The following HUWE1 variants were observed in gnomAD, a reference collection of about 807,000 sequenced individuals.
HUWE1 encodes the protein E3 ubiquitin-protein ligase HUWE1.
Under a neutral mutation model 299.4 loss-of-function variants are expected in HUWE1, and 18 were observed. The ratio of observed to expected loss-of-function variants is 0.06; its 90% confidence interval spans 0.04 to 0.09. HUWE1 has a LOEUF of 0.09. Among genes scored for constraint, HUWE1 ranks in the 10% least tolerant of loss-of-function variants. The pLI is 1.00. For synonymous variants in HUWE1, 1,317 were observed against 1,286.1 expected (o/e 1.02, Z -0.51); for missense variants, 1,832 against 3,462.3 (o/e 0.53, Z 11.82).
In HUWE1 at chrX:53,593,389, A is replaced by G; in HGVS notation, c.3716T>C (p.Leu1239Pro). 1 of 1,200,668 alleles carries G rather than the reference A, an allele frequency of 8.3e-7. No homozygotes were observed. Among genetic ancestry groups the G allele is most frequent in the Non-Finnish European group, 1.1e-6 (1 of 885,279 alleles). The stretch of plus-strand genomic sequence containing the variant: ...TTTCTGAGTTACCACAAGGAAGCGC[A>G]GTGCACTGAACTGGGGAAAGTTCTG... Reference protein sequence around the residue: ...GVQNFPQFSALRFLVVTQKAA... With the variant: ...GVQNFPQFSAPRFLVVTQKAA... The change falls in exon 32 of 84, where the codon CTG becomes CCG. Residue 1239 changes from leucine (L) to proline (P), a missense_variant. Transcript: ENST00000262854.
chrX:53,548,786 A>T (rs2061651654), intron 67 of HUWE1, among the ~76,000 whole-genome samples, 173 bp downstream of exon 67: 2 of 112,695 alleles, frequency 1.8e-5, no homozygotes, highest in Admixed American at 1.9e-4. Context: ...AAAATGGAAA[A>T]GAATGAAGAA....
Position 53,539,613 on chromosome X carries a change from G to A in HUWE1, c.11632+44C>T, listed in dbSNP as rs200025909. The A allele has an allele frequency of 1.1e-5, 13 of 1,191,260 alleles. No homozygotes were observed. The East Asian group carries it at 3.0e-4, about 27-fold the overall frequency. ...ACAAGCTGGCAGGAAGGGCCCCAGA[G>A]CAGACCACTGGGTTGGGACCTGGGC... On this transcript the variant is annotated intron_variant, in intron 75 of 83. Coordinates refer to ENST00000262854, the MANE Select transcript of HUWE1 (RefSeq NM_031407.7).
chrX:53,599,543 G>A (rs1286275749), intron 29 of HUWE1, among the ~76,000 whole-genome samples: 1 of 112,051 alleles, frequency 8.9e-6, no homozygotes, highest in African/African-American at 3.2e-5. Flanking sequence ...CATTAATGCA[G>A]TTTTGTATGC....
intron 12 of HUWE1, among the ~76,000 whole-genome samples, chrX:53,630,035 T>A (rs139655375): frequency 2.4e-3 from 272 of 112,449 alleles, no homozygotes; most frequent in African/African-American, 8.5e-3. Flanking sequence ...AGTCAGAAAT[T>A]TGTGTGACAC....
intron 3 of HUWE1, among the ~76,000 whole-genome samples, chrX:53,664,846 G>T (rs2069171647): frequency 9.0e-6 from 1 of 111,200 alleles, no homozygotes; most frequent in Non-Finnish European, 1.9e-5. Flanking sequence ...CACTGATTAT[G>T]ATTTGTTAAA....
intron 22 of HUWE1, 113 bp downstream of exon 22, chrX:53,615,631 T>C: frequency 1.8e-6 from 1 of 548,482 alleles, no homozygotes; most frequent in Admixed American, 2.6e-5. Context: ...GCAGACATAA[T>C]GCTCTTACAG....
intron 7 of HUWE1, among the ~76,000 whole-genome samples, chrX:53,638,564 A>G (rs2067368082): frequency 8.9e-6 from 1 of 111,823 alleles, no homozygotes; most frequent in African/African-American, 3.2e-5. Flanking sequence ...AGATGGAATT[A>G]TAAGAATTTG....
At chrX:53,629,053 A>C in intron 13 of HUWE1, 151 bp from the exon 14 acceptor site, 1 of 489,739 alleles carries the variant, frequency 2.0e-6, no homozygotes, top group Non-Finnish European at 3.5e-6. Context: ...AACAACGAAA[A>C]TCTAGTATTT....
Position 53,547,908 on chromosome X carries a change from G to C in HUWE1, c.10401C>G (p.Asn3467Lys). The C allele has an allele frequency of 8.3e-7, 1 of 1,211,122 alleles. No individual in the cohort carries two copies. The highest frequency in any genetic ancestry group is 1.1e-6 in the Non-Finnish European group (1 of 895,287). The change falls in exon 68 of 84, where the codon AAC (asparagine) becomes AAG (lysine). Residue 3467 changes from asparagine (N) to lysine (K), a missense_variant. Asn to Lys is a moderately conservative substitution (Grantham distance 94). This residue lies in a region of HUWE1 where 119 missense variants were observed against 124.6 expected (regional missense o/e 0.96). Coordinates refer to ENST00000262854, the MANE Select transcript of HUWE1 (RefSeq NM_031407.7). Reference protein sequence around the residue: ...LSLISIALPENKVSEAQANSG... With the variant: ...LSLISIALPEKKVSEAQANSG... ...AATTAGCCTGTGCTTCTGACACCTT[G>C]TTTTCTGGGAGAGCAATTGAGATGA... is the stretch of plus-strand genomic sequence containing the variant.
chrX:53,547,062 C>A (rs782161967), intron 68 of HUWE1, among the ~76,000 whole-genome samples: 66 of 112,228 alleles, frequency 5.9e-4, no homozygotes, highest in African/African-American at 2.1e-3. Flanking sequence ...GGCACAATCA[C>A]GTCTCACCAT....
At chrX:53,623,456 T>G (rs1176934358) in intron 19 of HUWE1, among the ~76,000 whole-genome samples, 1 of 111,603 alleles carries the variant, frequency 9.0e-6, no homozygotes, top group East Asian at 2.8e-4. Context: ...CATGGTAGAG[T>G]TGCTACACCA....
intron 47 of HUWE1, among the ~76,000 whole-genome samples, chrX:53,573,190 A>T (rs2147947717): frequency 9.0e-6 from 1 of 111,607 alleles, no homozygotes; most frequent in South Asian, 3.8e-4. Context: ...AATAGAACAA[A>T]TCTCATTAAC....
chrX:53,665,037 GT>G, intron 3 of HUWE1, among the ~76,000 whole-genome samples: 1 of 112,129 alleles, frequency 8.9e-6, no homozygotes, highest in Admixed American at 9.4e-5. Context: ...ACTGTGCCCA[GT>G]TTACTGAGAG....
At chrX:53,650,354 A>G (rs1342185509) in intron 4 of HUWE1, among the ~76,000 whole-genome samples, 8 of 112,016 alleles carry the variant, frequency 7.1e-5, no homozygotes, top group Non-Finnish European at 1.3e-4. Flanking sequence ...CCCTGGGGCC[A>G]CTAGAAACTT....
chrX:53,542,630 T>C (rs1472965809), intron 73 of HUWE1, 91 bp from the exon 74 acceptor site: 24 of 613,437 alleles, frequency 3.9e-5, no homozygotes, highest in South Asian at 1.6e-4. Context: ...TTCTCATACA[T>C]TGAGCTTGCA....
chrX:53,639,842 G>C (rs1195948324), intron 7 of HUWE1, among the ~76,000 whole-genome samples: 1 of 112,031 alleles, frequency 8.9e-6, no homozygotes, highest in African/African-American at 3.2e-5. Context: ...TAACCCTACA[G>C]GTTTTATTTA....
rs927350971 is a variant in HUWE1 at position 53,660,304 on chromosome X, T to G, written c.-24-6173A>C. 1.1e-4 allele frequency among the ~76,000 whole-genome samples: 12 copies of G among 111,817 alleles called. No individual in the cohort carries two copies. The East Asian group carries it at 2.8e-3, about 26-fold the overall frequency. On this transcript the variant is annotated intron_variant, in intron 3 of 83. Transcript: ENST00000262854. Reference sequence around the variant, plus strand: ...AATCATCTCAGGTTATTTGCATGAGTGGCGCTAGACTCTAAGTCCCAAGTG... The same window carrying G: ...AATCATCTCAGGTTATTTGCATGAGGGGCGCTAGACTCTAAGTCCCAAGTG...
intron 43 of HUWE1, among the ~76,000 whole-genome samples, chrX:53,577,785 A>C (rs1314149241): frequency 1.7e-5 from 2 of 114,478 alleles, no homozygotes; most frequent in Non-Finnish European, 3.7e-5. Flanking sequence ...CGGCCTCCCG[A>C]GGCGCCGGGA....
intron 29 of HUWE1, among the ~76,000 whole-genome samples, chrX:53,598,448 C>T (rs2064623246): frequency 1.8e-5 from 2 of 111,396 alleles, no homozygotes; most frequent in Non-Finnish European, 3.8e-5. Flanking sequence ...TCTGCTATCT[C>T]AGAGACAGCA....
Sources: allele counts gnomAD v4.1 joint callset (sites outside exome capture counted in the v4.1 genomes callset), GRCh38; gene constraint gnomAD v4.1.1; regional missense constraint gnomAD v4.1.1; transcripts MANE v1.5; gene names NCBI Gene and HGNC (gene_info 2026-07-23, HGNC 2026-07-21).